Variants in COL25A1 observed in about 807,000 individuals in gnomAD.
COL25A1 encodes collagen alpha-1(XXV) chain.
A neutral mutation model predicts 128.4 loss-of-function variants in COL25A1; 103 were observed. The observed-to-expected ratio is 0.80, with a 90% CI of 0.68 to 0.94. The LOEUF (loss-of-function observed/expected upper bound fraction) is 0.94. Ranked by LOEUF, COL25A1 falls within the 40% of genes least tolerant of loss-of-function variation. COL25A1 has a pLI of 0.00. For missense variants in COL25A1, 745 were observed against 840.0 expected, an observed-to-expected ratio of 0.89 and a Z score of 1.40; for synonymous variants, 279 against 277.2, an observed-to-expected ratio of 1.01 and a Z score of -0.06.
chr4:108,842,338 C>G (rs1241669278), intron 30 of COL25A1, among the ~76,000 whole-genome samples: 1 of 152,100 alleles, frequency 6.6e-6, no homozygotes, highest in African/African-American at 2.4e-5. Context: ...TTCCTCAAAG[C>G]TCTTGTAATA....
At chr4:109,156,626 C>A (rs1488425767) in intron 3 of COL25A1, among the ~76,000 whole-genome samples, 14 of 152,072 alleles carry the variant, frequency 9.2e-5, no homozygotes, top group Admixed American at 9.2e-4. Context: ...GATATAAAAA[C>A]TAAGGCCTGT....
At chr4:108,853,823 A>G (rs1736125384) in intron 24 of COL25A1, among the ~76,000 whole-genome samples, 2 of 152,078 alleles carry the variant, frequency 1.3e-5, no homozygotes. Flanking sequence ...AGCTTCATCC[A>G]TGTCCCTACA....
intron 30 of COL25A1, among the ~76,000 whole-genome samples, chr4:108,843,340 A>C (rs1734687990): frequency 6.6e-6 from 1 of 152,056 alleles, no homozygotes; most frequent in Non-Finnish European, 1.5e-5. Context: ...CAATGGGAGG[A>C]AAGAGTGACC....
chr4:109,088,516 G>T (rs1764611809), intron 3 of COL25A1, among the ~76,000 whole-genome samples: 1 of 152,138 alleles, frequency 6.6e-6, no homozygotes, highest in Non-Finnish European at 1.5e-5. Flanking sequence ...CCTCCACCAT[G>T]AATCTATAAA....
intron 3 of COL25A1, among the ~76,000 whole-genome samples, chr4:109,083,362 T>A (rs1764021995): frequency 6.7e-6 from 1 of 149,872 alleles, no homozygotes; most frequent in Non-Finnish European, 1.5e-5. Context: ...TATTACTCCA[T>A]ACATTCCAGA....
At chr4:108,924,475 T>A (rs564486808) in intron 11 of COL25A1, among the ~76,000 whole-genome samples, 3 of 152,306 alleles carry the variant, frequency 2.0e-5, no homozygotes, top group Admixed American at 1.3e-4. Flanking sequence ...TTGGTGACTG[T>A]CTTTACCAAA....
At chr4:108,987,299 G>A (rs903859683) in intron 6 of COL25A1, among the ~76,000 whole-genome samples, 10 of 151,708 alleles carry the variant, frequency 6.6e-5, no homozygotes, top group African/African-American at 1.9e-4. Context: ...CTTTACTTAC[G>A]TCCTTCTTTC....
intron 33 of COL25A1, among the ~76,000 whole-genome samples, chr4:108,825,444 T>C (rs1341298453): frequency 1.3e-5 from 2 of 152,170 alleles, no homozygotes; most frequent in Non-Finnish European, 2.9e-5. Context: ...TTTGCTGATG[T>C]TTAAGCCTTG....
chr4:109,113,091 C>T (rs894615426), intron 3 of COL25A1, among the ~76,000 whole-genome samples: 1 of 152,000 alleles, frequency 6.6e-6, no homozygotes, highest in Non-Finnish European at 1.5e-5. Flanking sequence ...GCTTCTACAC[C>T]GGAGAGAGGA....
intron 3 of COL25A1, among the ~76,000 whole-genome samples, chr4:109,183,832 C>G (rs11936917): frequency 0.63 from 95,283 of 151,306 alleles, 30,395 homozygotes; most frequent in East Asian, 0.75. Context: ...TTTCCAGTGT[C>G]CAAGTTGAAA....
At chr4:108,849,127 C>T (rs28378796) in intron 26 of COL25A1, among the ~76,000 whole-genome samples, 26,353 of 152,070 alleles carry the variant, frequency 0.17, 2,394 homozygotes, top group African/African-American at 0.21. Flanking sequence ...ATAGCAACAA[C>T]CTATCTGCCT....
intron 5 of COL25A1, among the ~76,000 whole-genome samples, chr4:109,036,717 T>A (rs1214055855): frequency 6.6e-6 from 1 of 152,214 alleles, no homozygotes. Context: ...TTCTTCACCA[T>A]TGATTAGAAG....
intron 3 of COL25A1, among the ~76,000 whole-genome samples, chr4:109,137,591 C>G (rs1334013318): frequency 3.3e-5 from 5 of 152,142 alleles, no homozygotes; most frequent in Non-Finnish European, 5.9e-5. Flanking sequence ...CCAAACTGTA[C>G]TAAGATTATC....
rs1338226264 is a variant in COL25A1 at position 108,825,178 on chromosome 4, A to AC, written c.1791+17_1791+18insG. On this transcript the variant is annotated intron_variant, in intron 34 of 37. Transcript: ENST00000399132. ...CATCTATTATAATAGGATGATGTTT[A>AC]TTGTACTTATTACTTACATCAAGAC... is the stretch of plus-strand genomic sequence containing the variant. The AC allele has an allele frequency of 4.4e-6, 7 of 1,592,922 alleles. No homozygotes were observed. Among genetic ancestry groups the AC allele is most frequent in the Non-Finnish European group, 6.0e-6 (7 of 1,161,208 alleles).
At chr4:108,985,471 G>T (rs1753578960) in intron 6 of COL25A1, among the ~76,000 whole-genome samples, 1 of 152,154 alleles carries the variant, frequency 6.6e-6, no homozygotes, top group South Asian at 2.1e-4. Flanking sequence ...TGAATTGCAG[G>T]ACAGAAGGGG....
At chr4:108,840,094 T>G (rs1005860789) in intron 31 of COL25A1, among the ~76,000 whole-genome samples, 2 of 151,558 alleles carry the variant, frequency 1.3e-5, no homozygotes, top group Non-Finnish European at 2.9e-5. Flanking sequence ...ATACAAAAAT[T>G]AGCCGGGCAT....
intron 8 of COL25A1, among the ~76,000 whole-genome samples, chr4:108,960,490 C>T (rs1404931136): frequency 6.6e-6 from 1 of 152,014 alleles, no homozygotes; most frequent in Non-Finnish European, 1.5e-5. Context: ...CTTTTCAATG[C>T]TATGTTCTCA....
intron 4 of COL25A1, among the ~76,000 whole-genome samples, chr4:109,049,324 T>C (rs1357312731): frequency 6.6e-6 from 1 of 152,230 alleles, no homozygotes; most frequent in African/African-American, 2.4e-5. Context: ...GATAAGACTT[T>C]ATGTGGTCAT....
At chr4:109,014,235 G>A (rs1311488637) in intron 5 of COL25A1, among the ~76,000 whole-genome samples, 2 of 152,048 alleles carry the variant, frequency 1.3e-5, no homozygotes, top group Admixed American at 6.5e-5. Flanking sequence ...TGAGTCCGGG[G>A]GGCAGAGGTT....
Sources: allele counts gnomAD v4.1 joint callset (sites outside exome capture counted in the v4.1 genomes callset), GRCh38; gene constraint gnomAD v4.1.1; transcripts MANE v1.5; gene names NCBI Gene and HGNC (gene_info 2026-07-23, HGNC 2026-07-21).